Variants in DLGAP1 observed in about 807,000 individuals in gnomAD.
The protein encoded by DLGAP1 is disks large-associated protein 1.
In DLGAP1, 11 loss-of-function variants were observed where a neutral mutation model predicts 90.8. The ratio of observed to expected loss-of-function variants is 0.12; its 90% CI spans 0.08 to 0.20. The LOEUF (loss-of-function observed/expected upper bound fraction) is 0.20, where lower values mean the gene tolerates loss of function less well. Ranked by LOEUF, DLGAP1 falls within the 10% of genes least tolerant of loss-of-function variation. DLGAP1 has a pLI of 1.00. For missense variants in DLGAP1, 1,050 were observed against 1,333.8 expected, an observed-to-expected ratio of 0.79 and a Z score of 3.31; for synonymous variants, 558 against 540.7, an observed-to-expected ratio of 1.03 and a Z score of -0.44.
intron 1 of DLGAP1, among the ~76,000 whole-genome samples, chr18:4,248,126 G>A (rs1286081113): frequency 2.0e-5 from 3 of 152,090 alleles, no homozygotes; most frequent in Non-Finnish European, 4.4e-5. Context: ...GCCTTCACTC[G>A]GGTCTTCACT....
chr18:3,733,464 A>G (rs891435825), intron 6 of DLGAP1, among the ~76,000 whole-genome samples: 13 of 152,188 alleles, frequency 8.5e-5, no homozygotes, highest in Non-Finnish European at 1.6e-4. Context: ...ATGCAATTAC[A>G]AGGGTAAACA....
intron 5 of DLGAP1, chr18:3,774,416 G>A (rs1156970046): frequency 6.6e-6 from 1 of 152,252 alleles, no homozygotes; most frequent in East Asian, 1.9e-4. Context: ...GAATACTAGT[G>A]ATGCCTTTTC....
intron 2 of DLGAP1, among the ~76,000 whole-genome samples, chr18:4,130,446 G>C (rs2076296478): frequency 1.3e-5 from 2 of 152,172 alleles, no homozygotes; most frequent in Admixed American, 6.6e-5. Flanking sequence ...ATCTAGATGT[G>C]ATTAGAAACT....
intron 7 of DLGAP1, among the ~76,000 whole-genome samples, chr18:3,661,677 A>G (rs1388360589): frequency 6.6e-6 from 1 of 151,302 alleles, no homozygotes; most frequent in East Asian, 1.9e-4. Flanking sequence ...CCTGGGTTCA[A>G]GCAATTCTCA....
chr18:3,581,769 T>A (rs1399054526), intron 8 of DLGAP1, 106 bp downstream of exon 8: 9 of 1,456,794 alleles, frequency 6.2e-6, no homozygotes, highest in Non-Finnish European at 8.4e-6. Flanking sequence ...TATGCATAGA[T>A]CTATGATTCC....
chr18:3,886,580 C>T (rs1236760430), intron 3 of DLGAP1, among the ~76,000 whole-genome samples: 1 of 152,068 alleles, frequency 6.6e-6, no homozygotes, highest in Non-Finnish European at 1.5e-5. Context: ...CCCACCTTAG[C>T]AACACCTCTC....
chr18:4,368,217 C>T (rs1482263275), intron 1 of DLGAP1, among the ~76,000 whole-genome samples: 2 of 152,126 alleles, frequency 1.3e-5, no homozygotes, highest in African/African-American at 4.8e-5. Flanking sequence ...TGTCTAACTG[C>T]CGCAATATTA....
chr18:3,963,356 G>C (rs17652291), intron 3 of DLGAP1, among the ~76,000 whole-genome samples: 65,972 of 151,890 alleles, frequency 0.43, 14,454 homozygotes, highest in African/African-American at 0.48. Flanking sequence ...GAGCACAGTT[G>C]CTGGGCCTTG....
intron 3 of DLGAP1, chr18:3,977,795 A>T (rs1005264074): frequency 7.8e-6 from 3 of 383,414 alleles, no homozygotes; most frequent in African/African-American, 6.4e-5. Context: ...ATGCTGTTAA[A>T]GTCAGAGGCG....
chr18:4,174,787 T>G (rs1260257842), intron 1 of DLGAP1, among the ~76,000 whole-genome samples: 2 of 152,126 alleles, frequency 1.3e-5, no homozygotes, highest in East Asian at 3.9e-4. Context: ...CTGGCCCTGG[T>G]GTGTGTGTTG....
chr18:3,920,731 G>A (rs2072252070), intron 3 of DLGAP1, among the ~76,000 whole-genome samples: 1 of 151,566 alleles, frequency 6.6e-6, no homozygotes, highest in Non-Finnish European at 1.5e-5. Flanking sequence ...TAATGTAAAA[G>A]GTCTTGTTGA....
chr18:3,901,500 C>A (rs982431770), intron 3 of DLGAP1, among the ~76,000 whole-genome samples: 2 of 152,086 alleles, frequency 1.3e-5, no homozygotes, highest in Admixed American at 1.3e-4. Context: ...TGAAGGAACC[C>A]TGGAGCTGGT....
chr18:3,718,752 C>T (rs1229189434), intron 7 of DLGAP1, among the ~76,000 whole-genome samples: 3 of 151,828 alleles, frequency 2.0e-5, no homozygotes, highest in Non-Finnish European at 2.9e-5. Context: ...ATGGTGAAAC[C>T]CTGTCTCTAG....
intron 5 of DLGAP1, among the ~76,000 whole-genome samples, chr18:3,772,120 C>CTTTCT (rs1555662453): frequency 0.054 from 8,131 of 151,024 alleles, 770 homozygotes; most frequent in African/African-American, 0.19. Flanking sequence ...TCTTTCCTTT[C>CTTTCT]TTTCTTTTCT....
chr18:4,384,047 C>G (rs1305722796), intron 1 of DLGAP1, among the ~76,000 whole-genome samples: 1 of 152,148 alleles, frequency 6.6e-6, no homozygotes, highest in Admixed American at 6.6e-5. Flanking sequence ...CAATTTCACC[C>G]TCTCAAATAA....
intron 3 of DLGAP1, among the ~76,000 whole-genome samples, chr18:3,918,614 CCT>C (rs2072198641): frequency 6.6e-6 from 1 of 152,108 alleles, no homozygotes; most frequent in Non-Finnish European, 1.5e-5. Context: ...AGATTTTCCC[CCT>C]AAGTTTTCTC....
intron 9 of DLGAP1, among the ~76,000 whole-genome samples, chr18:3,566,767 T>C (rs1333445946): frequency 6.6e-6 from 1 of 152,176 alleles, no homozygotes; most frequent in East Asian, 1.9e-4. Context: ...TCAGCCAACA[T>C]TTGCTGTATA....
chr18:3,740,485 C>T (rs1213570396), intron 6 of DLGAP1, among the ~76,000 whole-genome samples: 3 of 152,116 alleles, frequency 2.0e-5, no homozygotes, highest in Admixed American at 2.0e-4. Context: ...TGGCTCCCTC[C>T]CTACTCTGCC....
intron 5 of DLGAP1, among the ~76,000 whole-genome samples, chr18:3,769,852 G>C (rs1196009680): frequency 2.0e-5 from 3 of 151,740 alleles, no homozygotes; most frequent in African/African-American, 7.3e-5. Flanking sequence ...GGTGGGTGGG[G>C]GGGGAAAACT....
Sources: gnomAD v4.1 joint callset for allele counts (sites outside exome capture counted in the v4.1 genomes callset) on GRCh38, gnomAD v4.1.1 for gene constraint, MANE v1.5 for transcripts, NCBI Gene and HGNC (gene_info 2026-07-23, HGNC 2026-07-21) for gene names.